The following ANK3 variants were observed in gnomAD, a reference collection of about 807,000 sequenced individuals.
The protein encoded by ANK3 is ankyrin-3.
A neutral mutation model predicts 370.9 loss-of-function variants in ANK3; 57 were observed. The observed-to-expected ratio is 0.15, with a 90% confidence interval of 0.12 to 0.19. ANK3 has a LOEUF of 0.19. Ranked by LOEUF, ANK3 falls within the 10% of genes least tolerant of loss-of-function variation. The pLI is 1.00. For synonymous variants in ANK3, 1,929 were observed against 1,946.3 expected, an observed-to-expected ratio of 0.99 and a Z score of 0.23; for missense variants, 4,439 against 5,302.1, an observed-to-expected ratio of 0.84 and a Z score of 5.06.
chr10:60,116,748 C>T (rs1442453607), intron 25 of ANK3, among the ~76,000 whole-genome samples: 1 of 149,108 alleles, frequency 6.7e-6, no homozygotes, highest in East Asian at 2.0e-4. Flanking sequence ...AAATCCTCCC[C>T]TCAGTCTAAA....
intron 1 of ANK3, among the ~76,000 whole-genome samples, chr10:60,338,604 C>T (rs1001367214): frequency 2.0e-5 from 3 of 152,132 alleles, no homozygotes; most frequent in East Asian, 1.9e-4. Context: ...ATGTGTATGA[C>T]GTTGTGTCCC....
At chr10:60,310,553 A>C (rs1438475400) in intron 1 of ANK3, among the ~76,000 whole-genome samples, 1 of 152,216 alleles carries the variant, frequency 6.6e-6, no homozygotes, top group East Asian at 1.9e-4. Context: ...TAATGCAAGG[A>C]ACTAAAAATG....
chr10:60,141,636 C>A, intron 23 of ANK3, among the ~76,000 whole-genome samples: 1 of 123,030 alleles, frequency 8.1e-6, no homozygotes, highest in East Asian at 2.7e-4. Context: ...GAATTGGGCT[C>A]AAAAGTAAAG....
In ANK3 at chr10:60,677,009, T is replaced by C. The variant is rs191920091; in HGVS notation, c.57+56254A>G. ...ATCAAAATACCACATGTATCACATA[T>C]GTACAATTATTATGTACCAATTTTA... On this transcript the variant is annotated intron_variant, in intron 1 of 43. Coordinates refer to the ANK3 transcript ENST00000373827. Among the ~76,000 whole-genome samples the C allele has an allele frequency of 1.5e-4, 23 of 152,348 alleles. No individual in the cohort carries two copies. The East Asian group carries it at 3.9e-3, about 26-fold the overall frequency.
At chr10:60,141,806 T>C (rs764619532) in intron 23 of ANK3, among the ~76,000 whole-genome samples, 1 of 152,080 alleles carries the variant, frequency 6.6e-6, no homozygotes, top group Non-Finnish European at 1.5e-5. Flanking sequence ...AATGGATAAA[T>C]GCATGATTCA....
At chr10:60,227,498 T>C (rs1045692444) in intron 8 of ANK3, among the ~76,000 whole-genome samples, 1 of 152,156 alleles carries the variant, frequency 6.6e-6, no homozygotes, top group Non-Finnish European at 1.5e-5. Context: ...AATATAAACT[T>C]ATTTTATGCC....
chr10:60,711,761 A>G (rs2079711767), intron 1 of ANK3, among the ~76,000 whole-genome samples: 1 of 152,200 alleles, frequency 6.6e-6, no homozygotes, highest in African/African-American at 2.4e-5. Context: ...CAAAAAATCT[A>G]CATCTAGACA....
chr10:60,447,015 G>C (rs993306075), intron 2 of ANK3, among the ~76,000 whole-genome samples: 4 of 152,156 alleles, frequency 2.6e-5, no homozygotes, highest in African/African-American at 9.7e-5. Flanking sequence ...GTTAGCGAAG[G>C]TATTAGGAAA....
chr10:60,715,061 G>A (rs2079762800), intron 1 of ANK3, among the ~76,000 whole-genome samples: 1 of 151,980 alleles, frequency 6.6e-6, no homozygotes. Flanking sequence ...TATTAACAGG[G>A]GAAACCATGT....
chr10:60,325,669 T>A (rs966539799), intron 1 of ANK3, among the ~76,000 whole-genome samples: 4 of 152,214 alleles, frequency 2.6e-5, no homozygotes, highest in Non-Finnish European at 5.9e-5. Context: ...TGAATGCTTA[T>A]ACACTGTTGG....
intron 8 of ANK3, among the ~76,000 whole-genome samples, chr10:60,228,752 A>C (rs1424166745): frequency 1.3e-5 from 2 of 152,190 alleles, no homozygotes; most frequent in Non-Finnish European, 2.9e-5. Context: ...CTATTTAAAA[A>C]AAAATTAGAT....
rs571280404 is a variant in ANK3, at chr10:60,177,676, C to T, written c.2184+3653G>A. ...GCAGTGGTGCGACCTCGGCTCACTG[C>T]GAGCTCTGCTTCCTGGGTTCACACC... On this transcript the variant is annotated intron_variant, in intron 18 of 43. Coordinates refer to ENST00000280772, the MANE Select transcript of ANK3 (RefSeq NM_020987.5). Among the ~76,000 whole-genome samples, 4 of 146,372 alleles carry T rather than the reference C, an allele frequency of 2.7e-5. No homozygotes were observed. The East Asian group carries it at 6.2e-4, about 23-fold the overall frequency.
chr10:60,524,875 T>A (rs755152789), intron 2 of ANK3, among the ~76,000 whole-genome samples: 4 of 152,080 alleles, frequency 2.6e-5, no homozygotes, highest in African/African-American at 4.8e-5. Flanking sequence ...GAACCCACAG[T>A]TCACTTGATG....
intron 2 of ANK3, among the ~76,000 whole-genome samples, chr10:60,531,195 T>A (rs2133200428): frequency 6.6e-6 from 1 of 152,176 alleles, no homozygotes; most frequent in South Asian, 2.1e-4. Context: ...AAATAGAGGC[T>A]GTTTAAATAG....
rs185294586 is a variant in ANK3, at chr10:60,277,299, G to C, written c.414+1475C>G. Reference sequence around the variant, plus strand: ...TAAAATCAAGTGCATTTAAAATGGAGAGCAAAAGGCCATAGTAAATAATTT... The same window carrying C: ...TAAAATCAAGTGCATTTAAAATGGACAGCAAAAGGCCATAGTAAATAATTT... On this transcript the variant is annotated intron_variant, in intron 4 of 43. Transcript: ENST00000280772. Among the ~76,000 whole-genome samples, 674 of 152,232 alleles carry C rather than the reference G, an allele frequency of 4.4e-3. 3 individuals are homozygous for C. The highest frequency in any genetic ancestry group is 7.1e-3 in the Non-Finnish European group (482 of 68,024).
chr10:60,647,693 C>T (rs2133358231), intron 1 of ANK3, among the ~76,000 whole-genome samples: 1 of 151,930 alleles, frequency 6.6e-6, no homozygotes, highest in South Asian at 2.1e-4. Context: ...ATCTATAATG[C>T]TGTTCATAGA....
chr10:60,309,973 T>C (rs1207245907), intron 1 of ANK3, among the ~76,000 whole-genome samples: 1 of 150,726 alleles, frequency 6.6e-6, no homozygotes, highest in Admixed American at 6.6e-5. Flanking sequence ...TTGCCCAGGC[T>C]AGAGTGCAGT....
At chr10:60,083,739 T>C in intron 32 of ANK3, 122 bp from the exon 33 acceptor site, 1 of 805,682 alleles carries the variant, frequency 1.2e-6, no homozygotes. Context: ...TATTAGGCAG[T>C]TACTTCTGTG....
At chr10:60,051,661 C>G in intron 42 of ANK3, 2 of 149,426 alleles carry the variant, frequency 1.3e-5, no homozygotes, top group Non-Finnish European at 1.1e-5. Context: ...TTGATGTTTT[C>G]TTCTTTTTTT....
Sources: allele counts gnomAD v4.1 joint callset (sites outside exome capture counted in the v4.1 genomes callset), GRCh38; gene constraint gnomAD v4.1.1; transcripts MANE v1.5; gene names NCBI Gene and HGNC (gene_info 2026-07-23, HGNC 2026-07-21).